CCDC146: variants seen among roughly 807,000 people sequenced by gnomAD.
CCDC146 encodes coiled-coil domain containing 146.
A neutral mutation model predicts 119.3 loss-of-function variants in CCDC146; 92 were observed. The observed-to-expected ratio is 0.77, with a 90% CI of 0.65 to 0.92. The LOEUF is 0.92. Ranked by LOEUF, CCDC146 falls within the 40% of genes least tolerant of loss-of-function variation. The pLI is 0.00. For missense variants in CCDC146, 1,000 were observed against 1,103.0 expected (o/e 0.91, Z 1.32); for synonymous variants, 372 against 371.8 (o/e 1.00, Z -0.01).
At chr7:77,246,473 C>G (rs1473965853) in intron 4 of CCDC146, 1 of 152,110 alleles carries the variant, frequency 6.6e-6, no homozygotes, top group Admixed American at 6.5e-5. Flanking sequence ...TTGAAGCACC[C>G]CTTAGTCAGG....
chr7:77,145,454 T>C (rs1368304664), intron 1 of CCDC146, among the ~76,000 whole-genome samples: 1 of 151,832 alleles, frequency 6.6e-6, no homozygotes, highest in Non-Finnish European at 1.5e-5. Context: ...TCTTGCCTTC[T>C]GCTAGCTTTT....
chr7:77,200,850 T>C (rs1791974126), intron 2 of CCDC146, among the ~76,000 whole-genome samples: 1 of 152,254 alleles, frequency 6.6e-6, no homozygotes, highest in Non-Finnish European at 1.5e-5. Context: ...GTTTTGCATA[T>C]TGACATCTCA....
intron 1 of CCDC146, among the ~76,000 whole-genome samples, chr7:77,127,432 T>C (rs575854203): frequency 1.3e-5 from 2 of 152,282 alleles, no homozygotes; most frequent in African/African-American, 4.8e-5. Context: ...CTTTCCTCCC[T>C]ACTGCAGCCA....
intron 6 of CCDC146, 116 bp downstream of exon 6, chr7:77,256,625 A>T: frequency 1.3e-6 from 1 of 774,114 alleles, no homozygotes; most frequent in East Asian, 2.7e-5. Flanking sequence ...ACAAACTGAA[A>T]TATCTGCATT....
rs560349252 is a variant in CCDC146 at position 77,219,256 on chromosome 7, T to G, written c.157-17691T>G. Among the ~76,000 whole-genome samples, 410 of 152,160 alleles carry G rather than the reference T, an allele frequency of 2.7e-3. 1 individual carries two copies. The highest frequency in any genetic ancestry group is 9.5e-3 in the African/African-American group (394 of 41,432). On this transcript the variant is annotated intron_variant, in intron 2 of 18. Coordinates refer to ENST00000285871, the MANE Select transcript of CCDC146 (RefSeq NM_020879.3). ...TGGTGAACTGTTTGTTAGAATCTAT[T>G]TTTTAAACTTAAAAAAGTTTTCCTT...
chr7:77,213,007 T>C (rs189404317), intron 2 of CCDC146, among the ~76,000 whole-genome samples: 11 of 151,432 alleles, frequency 7.3e-5, no homozygotes, highest in Non-Finnish European at 1.0e-4. Context: ...ATCAACTTTG[T>C]TTTTTGTTGT....
intron 4 of CCDC146, among the ~76,000 whole-genome samples, chr7:77,244,082 T>G (rs777287619): frequency 6.6e-6 from 1 of 152,180 alleles, no homozygotes; most frequent in Non-Finnish European, 1.5e-5. Context: ...TTCACCATCT[T>G]GGCCAGGGTG....
At chr7:77,193,428 A>T (rs1210658364) in intron 2 of CCDC146, 1 of 152,240 alleles carries the variant, frequency 6.6e-6, no homozygotes, top group Non-Finnish European at 1.5e-5. Context: ...TGTGATAATT[A>T]AATCTTTTAT....
chr7:77,176,385 G>A (rs1195495723), intron 2 of CCDC146, among the ~76,000 whole-genome samples: 3 of 151,188 alleles, frequency 2.0e-5, no homozygotes, highest in Admixed American at 2.0e-4. Context: ...GAGATGTTAA[G>A]GAAGTATAAA....
chr7:77,182,302 A>G (rs1292919431), intron 2 of CCDC146, among the ~76,000 whole-genome samples: 3 of 152,158 alleles, frequency 2.0e-5, no homozygotes, highest in Non-Finnish European at 2.9e-5. Flanking sequence ...CTAGCTTTGT[A>G]TGTTCTAGCT....
At chr7:77,240,656 C>T (rs1293439464) in intron 3 of CCDC146, among the ~76,000 whole-genome samples, 1 of 152,080 alleles carries the variant, frequency 6.6e-6, no homozygotes, top group Non-Finnish European at 1.5e-5. Context: ...TTTAAGTAAA[C>T]ATTTTATTTT....
chr7:77,139,948 C>G lies in CCDC146; in HGVS notation c.-12+17216C>G, dbSNP rs2539159. Among the ~76,000 whole-genome samples, 998 of 150,050 alleles carry G rather than the reference C, an allele frequency of 6.7e-3. 8 individuals carry two copies. The highest frequency in any genetic ancestry group is 0.024 in the African/African-American group (942 of 40,042). ...AGAGTCTTGCTTGTCACCCAGGCTG[C>G]AAGTGGCACAATCTCAGCTCACTGC... On this transcript the variant is annotated intron_variant, in intron 1 of 18. Transcript: ENST00000285871.
chr7:77,169,300 T>G lies in CCDC146; in HGVS notation c.156+1476T>G, dbSNP rs547469682. Among the ~76,000 whole-genome samples the G allele has an allele frequency of 2.3e-3, 349 of 152,326 alleles. 2 individuals carry two copies. The highest frequency in any genetic ancestry group is 5.8e-3 in the South Asian group (28 of 4,828). On this transcript the variant is annotated intron_variant, in intron 2 of 18. Coordinates refer to ENST00000285871, the MANE Select transcript of CCDC146 (RefSeq NM_020879.3). Reference sequence around the variant, plus strand: ...ACACATGATGTTGCCTTGTCCCATTTGCTAGACTTGTTCATCTTGATCACT... The same window carrying G: ...ACACATGATGTTGCCTTGTCCCATTGGCTAGACTTGTTCATCTTGATCACT...
rs71296549 is a variant in CCDC146 at position 77,124,856 on chromosome 7, T to A, written c.-12+2124T>A. The stretch of plus-strand genomic sequence containing the variant: ...AAAATTAGGGATGCTCAAGGAATTA[T>A]GTTTTATAGGGTTACTTGTAAGAGA... On this transcript the variant is annotated intron_variant, in intron 1 of 18. Coordinates refer to ENST00000285871, the MANE Select transcript of CCDC146 (RefSeq NM_020879.3). 7.9e-5 allele frequency among the ~76,000 whole-genome samples: 12 copies of A among 151,574 alleles called. No individual in the cohort carries two copies. The East Asian group carries it at 2.3e-3, about 29-fold the overall frequency.
chr7:77,171,852 A>G (rs996200603), intron 2 of CCDC146, among the ~76,000 whole-genome samples: 2 of 152,256 alleles, frequency 1.3e-5, no homozygotes, highest in Admixed American at 6.5e-5. Context: ...GCCAAAGATT[A>G]AGGTTTGTTT....
At chr7:77,150,599 T>C (rs986948386) in intron 1 of CCDC146, among the ~76,000 whole-genome samples, 14 of 152,176 alleles carry the variant, frequency 9.2e-5, no homozygotes, top group African/African-American at 1.7e-4. Flanking sequence ...CCCTGGTACG[T>C]TATTGGTAGG....
intron 2 of CCDC146, among the ~76,000 whole-genome samples, chr7:77,211,732 C>T (rs1792188730): frequency 6.6e-6 from 1 of 152,114 alleles, no homozygotes; most frequent in South Asian, 2.1e-4. Flanking sequence ...TCTCCTGCCT[C>T]AGCCTCCTGA....
chr7:77,237,083 G>C (rs759519029), intron 3 of CCDC146, 54 bp downstream of exon 3: 4 of 1,402,470 alleles, frequency 2.9e-6, no homozygotes, highest in Non-Finnish European at 4.0e-6. Context: ...ATTTCTTACT[G>C]GTGATGAGAC....
intron 9 of CCDC146, among the ~76,000 whole-genome samples, chr7:77,269,338 T>G (rs530088970): frequency 6.6e-6 from 1 of 152,250 alleles, no homozygotes; most frequent in East Asian, 1.9e-4. Context: ...TTAATGATGG[T>G]TTCTTTTTCT....
Sources: gnomAD v4.1 joint callset for allele counts (sites outside exome capture counted in the v4.1 genomes callset) on GRCh38, gnomAD v4.1.1 for gene constraint, MANE v1.5 for transcripts, NCBI Gene and HGNC (gene_info 2026-07-23, HGNC 2026-07-21) for gene names.